Variants in CREBBP observed in about 807,000 individuals in gnomAD.
CREBBP encodes the protein CREB-binding protein.
Under a neutral mutation model 265.0 loss-of-function variants are expected in CREBBP, and 19 were observed. The observed-to-expected ratio is 0.07, with a 90% CI of 0.05 to 0.11. CREBBP has a LOEUF of 0.11. Ranked by LOEUF, CREBBP falls within the 10% of genes least tolerant of loss-of-function variation. The pLI is 1.00. For synonymous variants in CREBBP, 1,457 were observed against 1,223.7 expected (o/e 1.19, Z -3.98); for missense variants, 2,525 against 3,219.0 (o/e 0.78, Z 5.22).
chr16:3,816,698 A>T (rs1238850377), intron 2 of CREBBP, among the ~76,000 whole-genome samples: 2 of 152,186 alleles, frequency 1.3e-5, no homozygotes, highest in African/African-American at 2.4e-5. Context: ...GCTCTAGAGG[A>T]TTATCTGTCA....
At chr16:3,798,795 T>G (rs895658577) in intron 3 of CREBBP, among the ~76,000 whole-genome samples, 2 of 152,170 alleles carry the variant, frequency 1.3e-5, no homozygotes, top group Non-Finnish European at 2.9e-5. Flanking sequence ...AGGTCAAACA[T>G]AAAATTACCA....
chr16:3,878,813 C>T (rs911373483), intron 1 of CREBBP, among the ~76,000 whole-genome samples: 1 of 152,288 alleles, frequency 6.6e-6, no homozygotes, highest in African/African-American at 2.4e-5. Context: ...AAGGAGAGAG[C>T]TCTAAAAGAG....
Position 3,845,869 on chromosome 16 carries a change from AAACT to A in CREBBP, c.798+4424_798+4427del, listed in dbSNP as rs543220666. Among the ~76,000 whole-genome samples, 166 of 145,816 alleles carry A rather than the reference AAACT, an allele frequency of 1.1e-3. No individual in the cohort carries two copies. The East Asian group carries it at 0.012, about 10-fold the overall frequency. ...GCTACTGCACTCTAGCCTGGGCAACAAACTGAGACCCTATCTCAAAAAAAAAAAA... is the reference window on the plus strand; with the variant it reads ...GCTACTGCACTCTAGCCTGGGCAACAGAGACCCTATCTCAAAAAAAAAAAA... On this transcript the variant is annotated intron_variant, in intron 2 of 30. Coordinates refer to ENST00000262367, the MANE Select transcript of CREBBP (RefSeq NM_004380.3).
At chr16:3,792,290 A>T (rs1380690662) in intron 4 of CREBBP, among the ~76,000 whole-genome samples, 196 bp from the exon 5 acceptor site, 1 of 152,128 alleles carries the variant, frequency 6.6e-6, no homozygotes, top group Admixed American at 6.5e-5. Flanking sequence ...ATCCAAACAA[A>T]ACTTCCCCTA....
intron 2 of CREBBP, among the ~76,000 whole-genome samples, chr16:3,836,839 C>G (rs1416351800): frequency 1.3e-5 from 2 of 152,152 alleles, no homozygotes; most frequent in Non-Finnish European, 2.9e-5. Flanking sequence ...TACCATGGAA[C>G]TGAAAAATTC....
intron 1 of CREBBP, among the ~76,000 whole-genome samples, chr16:3,873,592 C>A (rs139987750): frequency 6.6e-6 from 1 of 152,292 alleles, no homozygotes; most frequent in Non-Finnish European, 1.5e-5. Flanking sequence ...AGTGTCAGTT[C>A]CCATTGGGCG....
intron 3 of CREBBP, among the ~76,000 whole-genome samples, chr16:3,795,781 G>C (rs541519644): frequency 6.6e-6 from 1 of 152,214 alleles, no homozygotes; most frequent in South Asian, 2.1e-4. Context: ...GGAGGAATGG[G>C]AGAAACACAA....
chr16:3,821,263 G>C (rs887323340), intron 2 of CREBBP, among the ~76,000 whole-genome samples: 7 of 152,210 alleles, frequency 4.6e-5, no homozygotes, highest in African/African-American at 1.7e-4. Flanking sequence ...ACTCCTGGGA[G>C]ATGTTGCTAC....
chr16:3,857,491 G>C (rs889945823), intron 1 of CREBBP, among the ~76,000 whole-genome samples: 4 of 152,214 alleles, frequency 2.6e-5, no homozygotes, highest in Non-Finnish European at 5.9e-5. Context: ...GGGGAGTGAA[G>C]GAGGCAGGCC....
At chr16:3,838,781 T>C (rs1482983363) in intron 2 of CREBBP, among the ~76,000 whole-genome samples, 1 of 152,162 alleles carries the variant, frequency 6.6e-6, no homozygotes, top group Non-Finnish European at 1.5e-5. Context: ...ATTCCTGGCC[T>C]AAAGCAATCC....
At chr16:3,755,397 C>A (rs760215360) in intron 19 of CREBBP, among the ~76,000 whole-genome samples, 3 of 152,154 alleles carry the variant, frequency 2.0e-5, no homozygotes, top group Non-Finnish European at 2.9e-5. Flanking sequence ...TGTTGGGCAA[C>A]GTAGCAGGGG....
chr16:3,774,552 C>A lies in CREBBP; in HGVS notation c.2283+17G>T, dbSNP rs540629696. On this transcript the variant is annotated intron_variant, in intron 12 of 30. Coordinates refer to ENST00000262367, the MANE Select transcript of CREBBP (RefSeq NM_004380.3). ...AGAGGGAGGGCTATCTGCAGCACAG[C>A]GAAAGAGAACACTTACCCCTGGCAC... 68 of 1,613,826 alleles carry A rather than the reference C, an allele frequency of 4.2e-5. No homozygotes were observed. The highest frequency in any genetic ancestry group is 5.2e-5 in the Non-Finnish European group (61 of 1,180,022).
At chr16:3,756,279 G>C (rs891599019) in intron 19 of CREBBP, among the ~76,000 whole-genome samples, 1 of 152,162 alleles carries the variant, frequency 6.6e-6, no homozygotes, top group African/African-American at 2.4e-5. Flanking sequence ...ATAAAATAGA[G>C]GCAACGTCAC....
intron 1 of CREBBP, among the ~76,000 whole-genome samples, chr16:3,868,085 T>C (rs191944800): frequency 6.6e-6 from 1 of 152,172 alleles, no homozygotes; most frequent in Non-Finnish European, 1.5e-5. Context: ...GAGACCATAT[T>C]TGCCTGGCTA....
chr16:3,729,110 G>T lies in CREBBP; in HGVS notation c.5937C>A (p.Asn1979Lys). 6.3e-7 allele frequency: 1 copy of T among 1,581,412 alleles called. No homozygotes were observed. Among genetic ancestry groups the T allele is most frequent in the South Asian group, 1.1e-5 (1 of 88,204 alleles). The change falls in exon 31 of 31, where the codon AAC becomes AAA. Residue 1979 changes from asparagine to lysine, a missense_variant. Asn to Lys is a moderately conservative substitution (Grantham distance 94, BLOSUM62 0). Transcript: ENST00000262367. ...QQHLYRVNIN[N>K]SMPPGRTGMG... ...TGCCCGTGCGTCCTGGGGGCATGCTGTTGTTGATGTTCACCCGGTACAGGT... is the reference window on the plus strand; with the variant it reads ...TGCCCGTGCGTCCTGGGGGCATGCTTTTGTTGATGTTCACCCGGTACAGGT...
chr16:3,770,778 G>A lies in CREBBP; in HGVS notation c.2672C>T (p.Pro891Leu), dbSNP rs2141201890. ...QPAAPTQPST[P>L]VSSSGQTPTP... Reference sequence around the variant, plus strand: ...GGGAGTCTGCCCGGAAGACGACACAGGAGTTGATGGCTGAGTGGGAGCTGC... The same window carrying A: ...GGGAGTCTGCCCGGAAGACGACACAAGAGTTGATGGCTGAGTGGGAGCTGC... The change falls in exon 14 of 31, where the codon CCT becomes CTT. Residue 891 changes from proline (P) to leucine (L), a missense_variant. By Grantham distance (98) the Pro-to-Leu change is moderately conservative. This residue lies in a region of CREBBP where 548 missense variants were observed against 533.0 expected (regional missense o/e 1.03). Transcript: ENST00000262367. 2 of 1,614,144 alleles carry A rather than the reference G, an allele frequency of 1.2e-6. No individual in the cohort carries two copies. The highest frequency in any genetic ancestry group is 1.1e-5 in the South Asian group (1 of 91,078).
intron 1 of CREBBP, among the ~76,000 whole-genome samples, chr16:3,870,577 C>T (rs1477166575): frequency 1.3e-5 from 2 of 152,044 alleles, no homozygotes; most frequent in African/African-American, 4.8e-5. Context: ...AACGATTACC[C>T]ATTTTGTAAG....
intron 30 of CREBBP, among the ~76,000 whole-genome samples, chr16:3,730,162 A>G (rs1396077243): frequency 6.6e-6 from 1 of 152,212 alleles, no homozygotes; most frequent in Non-Finnish European, 1.5e-5. Context: ...ACTCCTGGCA[A>G]CAGCCCTGAA....
intron 5 of CREBBP, among the ~76,000 whole-genome samples, chr16:3,788,881 G>C (rs1398251866): frequency 6.6e-6 from 1 of 152,212 alleles, no homozygotes; most frequent in Non-Finnish European, 1.5e-5. Flanking sequence ...GAGCCCGAGA[G>C]GTTGAGGCTG....
Sources: allele counts gnomAD v4.1 joint callset (sites outside exome capture counted in the v4.1 genomes callset), GRCh38; gene constraint gnomAD v4.1.1; regional missense constraint gnomAD v4.1.1; transcripts MANE v1.5; gene names NCBI Gene and HGNC (gene_info 2026-07-23, HGNC 2026-07-21).